ATP8A1: variants seen among roughly 807,000 people sequenced by gnomAD.
ATP8A1 encodes ATPase phospholipid transporting 8A1.
ATP8A1 carries 90 observed loss-of-function variants against 177.7 expected under a neutral mutation model. The observed-to-expected ratio is 0.51, with a 90% confidence interval of 0.43 to 0.60. The LOEUF (loss-of-function observed/expected upper bound fraction) is 0.60. Ranked by LOEUF, ATP8A1 falls within the 20% of genes least tolerant of loss-of-function variation. ATP8A1 has a pLI of 0.00. For missense variants in ATP8A1, 1,072 were observed against 1,392.8 expected, an observed-to-expected ratio of 0.77 and a Z score of 3.67; for synonymous variants, 493 against 485.9, an observed-to-expected ratio of 1.01 and a Z score of -0.19.
intron 5 of ATP8A1, among the ~76,000 whole-genome samples, chr4:42,608,627 G>C (rs28455737): frequency 6.6e-6 from 1 of 151,980 alleles, no homozygotes; most frequent in Non-Finnish European, 1.5e-5. Context: ...CAAAGTGCTG[G>C]GATTACAGGC....
intron 30 of ATP8A1, among the ~76,000 whole-genome samples, chr4:42,451,696 A>G (rs1717947736): frequency 6.6e-6 from 1 of 152,362 alleles, no homozygotes; most frequent in South Asian, 2.1e-4. Flanking sequence ...TATTGTCCTC[A>G]AACTATACAT....
intron 22 of ATP8A1, among the ~76,000 whole-genome samples, chr4:42,509,046 T>G (rs1414160831): frequency 1.3e-5 from 2 of 152,356 alleles, no homozygotes; most frequent in East Asian, 3.9e-4. Context: ...GCTTTTTGGC[T>G]GCAAGTAATA....
At chr4:42,451,527 T>G (rs1717929169) in intron 30 of ATP8A1, among the ~76,000 whole-genome samples, 1 of 152,112 alleles carries the variant, frequency 6.6e-6, no homozygotes. Context: ...GAGTAAAAGC[T>G]AACACTCCAA....
chr4:42,568,314 CA>C (rs1731558031), intron 15 of ATP8A1, among the ~76,000 whole-genome samples: 1 of 152,064 alleles, frequency 6.6e-6, no homozygotes, highest in African/African-American at 2.4e-5. Context: ...TATTCGACTT[CA>C]AAGTATATTG....
At chr4:42,628,381 A>G (rs1173450110) in intron 1 of ATP8A1, among the ~76,000 whole-genome samples, 2 of 152,114 alleles carry the variant, frequency 1.3e-5, no homozygotes. Context: ...TGCAGGGGAG[A>G]GCAAACAGGG....
intron 5 of ATP8A1, among the ~76,000 whole-genome samples, chr4:42,607,106 C>T (rs1369198855): frequency 1.3e-5 from 2 of 152,310 alleles, no homozygotes; most frequent in East Asian, 3.9e-4. Flanking sequence ...ATTACAGAAC[C>T]TTGCTGTTCA....
At chr4:42,648,758 T>C (rs1560562530) in intron 1 of ATP8A1, among the ~76,000 whole-genome samples, 1 of 152,162 alleles carries the variant, frequency 6.6e-6, no homozygotes, top group Admixed American at 6.5e-5. Flanking sequence ...CGTTAACATA[T>C]AAGTTCTTAA....
In ATP8A1 at chr4:42,412,645, A is replaced by G. The variant is rs1712746300; in HGVS notation, c.*271T>C. The G allele has an allele frequency of 3.2e-6, 1 of 314,490 alleles. No individual in the cohort carries two copies. Among genetic ancestry groups the G allele is most frequent in the Non-Finnish European group, 5.9e-6 (1 of 170,720 alleles). 19.5% of individuals were successfully genotyped at this position (314,490 alleles called of 1,614,324 possible). A position where few individuals can be genotyped will look rare whatever the true frequency, so the allele number is the denominator to read the frequency against. ...ATACTGACTTATTCTCCGTTTAAGA[A>G]AGCCCTCTGGCAAGATACCAGGTCA... is the stretch of plus-strand genomic sequence containing the variant. On this transcript the variant is annotated 3_prime_UTR_variant, in exon 37 of 37. Transcript: ENST00000381668.
At chr4:42,446,297 T>A (rs1278152943) in intron 31 of ATP8A1, among the ~76,000 whole-genome samples, 1 of 152,020 alleles carries the variant, frequency 6.6e-6, no homozygotes, top group African/African-American at 2.4e-5. Flanking sequence ...ACTACTTCGG[T>A]GGGTTGATGC....
intron 2 of ATP8A1, 109 bp downstream of exon 2, chr4:42,626,886 T>G (rs1196707797): frequency 2.6e-6 from 2 of 762,884 alleles, no homozygotes; most frequent in Non-Finnish European, 4.6e-6. Flanking sequence ...AACAGGGAGC[T>G]CTCAAATATT....
intron 15 of ATP8A1, among the ~76,000 whole-genome samples, chr4:42,559,732 A>G (rs975543102): frequency 1.5e-4 from 23 of 152,254 alleles, no homozygotes; most frequent in African/African-American, 4.6e-4. Flanking sequence ...CTGGAGTGCA[A>G]CGGCACAGTC....
intron 33 of ATP8A1, among the ~76,000 whole-genome samples, chr4:42,427,691 T>C (rs1338649126): frequency 6.6e-6 from 1 of 152,238 alleles, no homozygotes; most frequent in African/African-American, 2.4e-5. Flanking sequence ...TGTCCTGTGG[T>C]TGCTAGTCCT....
intron 27 of ATP8A1, among the ~76,000 whole-genome samples, chr4:42,457,165 A>ATTTGC (rs1267850341): frequency 6.6e-6 from 1 of 152,190 alleles, no homozygotes; most frequent in East Asian, 1.9e-4. Context: ...ATTTTTGATA[A>ATTTGC]TTTGCCCTAA....
At chr4:42,601,840 C>A (rs188325173) in intron 5 of ATP8A1, among the ~76,000 whole-genome samples, 9 of 152,160 alleles carry the variant, frequency 5.9e-5, no homozygotes, top group Admixed American at 2.0e-4. Context: ...CCCTCTAAAG[C>A]GATCACAATA....
At chr4:42,609,225 A>T (rs536945780) in intron 5 of ATP8A1, among the ~76,000 whole-genome samples, 12 of 152,102 alleles carry the variant, frequency 7.9e-5, no homozygotes, top group Non-Finnish European at 1.3e-4. Flanking sequence ...TAAAACTGAA[A>T]CTCTGGGGCC....
chr4:42,575,534 C>T, intron 13 of ATP8A1, 88 bp downstream of exon 13: 1 of 984,960 alleles, frequency 1.0e-6, no homozygotes, highest in Non-Finnish European at 1.6e-6. Flanking sequence ...AAAAGCTGTC[C>T]ATTCATCTGC....
At chr4:42,614,095 T>C (rs1228841469) in intron 5 of ATP8A1, among the ~76,000 whole-genome samples, 1 of 142,746 alleles carries the variant, frequency 7.0e-6, no homozygotes, top group Admixed American at 7.0e-5. Context: ...GCCAATCCTG[T>C]TATCTATGAA....
intron 20 of ATP8A1, among the ~76,000 whole-genome samples, chr4:42,531,297 G>GA (rs1036640089): frequency 6.6e-5 from 10 of 152,190 alleles, no homozygotes; most frequent in Non-Finnish European, 1.2e-4. Context: ...ACTCCACCAG[G>GA]AAAAAAACCA....
intron 24 of ATP8A1, 148 bp from the exon 25 acceptor site, chr4:42,485,816 T>C: frequency 2.9e-6 from 2 of 681,938 alleles, no homozygotes; most frequent in Non-Finnish European, 2.4e-6. Context: ...GTCATTTGAT[T>C]CTTACTAGCC....
Sources: gnomAD v4.1 joint callset for allele counts (sites outside exome capture counted in the v4.1 genomes callset) on GRCh38, gnomAD v4.1.1 for gene constraint, MANE v1.5 for transcripts, NCBI Gene and HGNC (gene_info 2026-07-23, HGNC 2026-07-21) for gene names.